The following JMJD1C variants were observed in gnomAD, a reference collection of about 807,000 sequenced individuals.
The protein encoded by JMJD1C is jumonji domain-containing protein 1C.
In JMJD1C, 31 loss-of-function variants were observed where a neutral mutation model predicts 245.3. The observed-to-expected ratio is 0.13, with a 90% CI of 0.09 to 0.17. JMJD1C has a LOEUF of 0.17. JMJD1C is among the 10% of genes least tolerant of loss of function. The pLI, the probability that JMJD1C is intolerant of heterozygous loss-of-function variation, is 1.00. For missense variants in JMJD1C, 2,691 were observed against 3,000.2 expected (o/e 0.90, Z 2.41); for synonymous variants, 1,057 against 1,017.4 (o/e 1.04, Z -0.74).
intron 1 of JMJD1C, among the ~76,000 whole-genome samples, chr10:63,384,755 A>G (rs74994227): frequency 0.013 from 2,027 of 152,348 alleles, 31 homozygotes; most frequent in African/African-American, 0.034. Context: ...CAGTTACTGT[A>G]GTCCCTAACA....
intron 2 of JMJD1C, among the ~76,000 whole-genome samples, chr10:63,352,774 G>A (rs933597832): frequency 2.3e-4 from 35 of 152,144 alleles, no homozygotes; most frequent in South Asian, 2.1e-4. Context: ...ATAGGTATGC[G>A]TAGTTTTTAA....
chr10:63,345,921 C>T (rs2134254769), intron 2 of JMJD1C, among the ~76,000 whole-genome samples: 1 of 152,124 alleles, frequency 6.6e-6, no homozygotes, highest in Non-Finnish European at 1.5e-5. Flanking sequence ...GAAAAAGGTA[C>T]ATACGGAATA....
At chr10:63,301,309 C>T (rs1167436249) in intron 2 of JMJD1C, among the ~76,000 whole-genome samples, 1 of 152,206 alleles carries the variant, frequency 6.6e-6, no homozygotes, top group South Asian at 2.1e-4. Flanking sequence ...ACCACCACAT[C>T]CAGCCTCTGA....
At chr10:63,500,428 GAA>G (rs60605672) in intron 1 of JMJD1C, among the ~76,000 whole-genome samples, 15 of 112,072 alleles carry the variant, frequency 1.3e-4, no homozygotes, top group African/African-American at 2.7e-4. Context: ...GTCTCCAAAG[GAA>G]AAAAAAAAAA....
chr10:63,466,300 C>CA (rs1953278651), upstream of JMJD1C: 1 of 153,486 alleles, frequency 6.5e-6, no homozygotes, highest in Admixed American at 6.5e-5. Context: ...ACTCTGATCA[C>CA]AAAATAAACT....
chr10:63,454,179 T>C (rs1319800337), intron 1 of JMJD1C, among the ~76,000 whole-genome samples: 1 of 152,220 alleles, frequency 6.6e-6, no homozygotes, highest in East Asian at 1.9e-4. Context: ...ATATTTGTAC[T>C]ATCTGAGACT....
intron 2 of JMJD1C, among the ~76,000 whole-genome samples, chr10:63,359,555 T>C (rs1033590501): frequency 8.5e-5 from 13 of 152,240 alleles, no homozygotes; most frequent in South Asian, 6.2e-4. Flanking sequence ...TTCTAACTTC[T>C]TATTACATAA....
intron 1 of JMJD1C, among the ~76,000 whole-genome samples, chr10:63,513,980 G>T (rs1954946380): frequency 6.6e-6 from 1 of 151,908 alleles, no homozygotes; most frequent in Non-Finnish European, 1.5e-5. Context: ...CACATGAACA[G>T]ACACTTCTCA....
At chr10:63,378,536 G>A (rs1946957565) in intron 2 of JMJD1C, among the ~76,000 whole-genome samples, 2 of 152,226 alleles carry the variant, frequency 1.3e-5, no homozygotes, top group African/African-American at 2.4e-5. Flanking sequence ...AGCTTGCAGT[G>A]AGCCGAGATC....
intron 3 of JMJD1C, among the ~76,000 whole-genome samples, chr10:63,231,547 A>C (rs969141597): frequency 5.3e-5 from 8 of 152,194 alleles, no homozygotes; most frequent in African/African-American, 1.9e-4. Context: ...TAATTCCAGC[A>C]CTTTGGGAGG....
At chr10:63,419,775 A>ACT (rs544523373) in intron 1 of JMJD1C, among the ~76,000 whole-genome samples, 201 of 150,972 alleles carry the variant, frequency 1.3e-3, no homozygotes, top group Admixed American at 7.1e-3. Context: ...AAGGATAGTT[A>ACT]ATCAGACAAT....
chr10:63,294,086 C>G (rs998230283), intron 2 of JMJD1C, among the ~76,000 whole-genome samples: 1 of 152,134 alleles, frequency 6.6e-6, no homozygotes, highest in Non-Finnish European at 1.5e-5. Context: ...CTACATTTTG[C>G]AAGATATCCT....
intron 1 of JMJD1C, among the ~76,000 whole-genome samples, chr10:63,484,842 G>A (rs1953944653): frequency 6.6e-6 from 1 of 151,768 alleles, no homozygotes; most frequent in African/African-American, 2.4e-5. Flanking sequence ...TAGAGGGGGG[G>A]AATAAAAGGA....
At chr10:63,249,045 G>A in intron 3 of JMJD1C, among the ~76,000 whole-genome samples, 1 of 152,256 alleles carries the variant, frequency 6.6e-6, no homozygotes, top group Non-Finnish European at 1.5e-5. Flanking sequence ...GCCAGGAGTG[G>A]TGGCTCACGC....
At chr10:63,440,340 G>GAAAA (rs199670163) in intron 1 of JMJD1C, among the ~76,000 whole-genome samples, 50 of 89,764 alleles carry the variant, frequency 5.6e-4, no homozygotes, top group Middle Eastern at 5.4e-3. Context: ...TGTCTCAAAA[G>GAAAA]AAAAAAAAAA....
chr10:63,414,217 A>C (rs1312396145), intron 1 of JMJD1C, among the ~76,000 whole-genome samples: 1 of 151,976 alleles, frequency 6.6e-6, no homozygotes, highest in South Asian at 2.1e-4. Flanking sequence ...CGATCTCCTG[A>C]CCTCGTGATC....
Position 63,314,656 on chromosome 10 carries a change from A to G in JMJD1C, c.334-49892T>C, listed in dbSNP as rs575384121. On this transcript the variant is annotated intron_variant, in intron 2 of 25. Coordinates refer to ENST00000399262, the MANE Select transcript of JMJD1C (RefSeq NM_032776.3). Reference sequence around the variant, plus strand: ...TTTTTTTTTTTTCAACTTTTATTTTATTTTATTTGAGATGCGAGTTTCACT... The same window carrying G: ...TTTTTTTTTTTTCAACTTTTATTTTGTTTTATTTGAGATGCGAGTTTCACT... 1.1e-4 allele frequency among the ~76,000 whole-genome samples: 15 copies of G among 135,578 alleles called. 1 individual carries two copies. In the South Asian group the frequency reaches 3.2e-3, roughly 29 times the overall value. 88.9% of individuals were successfully genotyped at this position (135,578 alleles called of 152,430 possible).
At position 63,213,763 on chromosome 10, in the gene JMJD1C, C is replaced by T; in HGVS notation, c.2404G>A (p.Gly802Arg). 6.2e-7 allele frequency: 1 copy of T among 1,614,046 alleles called. No individual in the cohort carries two copies. The highest frequency in any genetic ancestry group is 8.5e-7 in the Non-Finnish European group (1 of 1,180,004). Residue 802 changes from glycine to arginine, a missense_variant, in exon 8 of 26, where the codon GGA becomes AGA. Coordinates refer to ENST00000399262, the MANE Select transcript of JMJD1C (RefSeq NM_032776.3). ...CCAAGTAAGGAGGCAGTAGGCACTC[C>T]AGGTAACACAGTGGGAAGTAAATGA... ...HPHLLPTVLP[G>R]VPTASLLGGH...
At chr10:63,177,562 G>A in intron 23 of JMJD1C, 155 bp downstream of exon 23, 1 of 716,794 alleles carries the variant, frequency 1.4e-6, no homozygotes, top group Non-Finnish European at 2.3e-6. Context: ...AGGAGCAAGA[G>A]AAACAGGGTT....
Sources: gnomAD v4.1 joint callset for allele counts (sites outside exome capture counted in the v4.1 genomes callset) on GRCh38, gnomAD v4.1.1 for gene constraint, MANE v1.5 for transcripts, NCBI Gene and HGNC (gene_info 2026-07-23, HGNC 2026-07-21) for gene names.